The following SRP68 variants were observed in gnomAD, a reference collection of about 807,000 sequenced individuals.
SRP68 encodes the protein signal recognition particle subunit SRP68.
Under a neutral mutation model 82.2 loss-of-function variants are expected in SRP68, and 15 were observed. The observed-to-expected ratio is 0.18, with a 90% CI of 0.12 to 0.28. The LOEUF (loss-of-function observed/expected upper bound fraction) is 0.28. SRP68 is among the 10% of genes least tolerant of loss of function. The pLI is 1.00. For missense variants in SRP68, 595 were observed against 780.5 expected, an observed-to-expected ratio of 0.76 and a Z score of 2.83; for synonymous variants, 261 against 292.6, an observed-to-expected ratio of 0.89 and a Z score of 1.10.
In SRP68 at chr17:76,064,024, G is replaced by A; in HGVS notation, c.513C>T (p.Arg171=). Residue 171 remains arginine (R), a synonymous_variant, in exon 4 of 16, where the codon CGC becomes CGT. Coordinates refer to ENST00000307877, the MANE Select transcript of SRP68 (RefSeq NM_014230.4). ...KAVKHAEELE[R]LCESNRVDAK... Reference sequence around the variant, plus strand: ...CATCCACGCGATTGCTCTCACACAAGCGTTCCAATTCCTCTGCATGCTTCA... The same window carrying A: ...CATCCACGCGATTGCTCTCACACAAACGTTCCAATTCCTCTGCATGCTTCA... 1.9e-6 allele frequency: 3 copies of A among 1,614,220 alleles called. No homozygotes were observed. The highest frequency in any genetic ancestry group is 2.5e-6 in the Non-Finnish European group (3 of 1,180,038).
intron 8 of SRP68, among the ~76,000 whole-genome samples, chr17:76,054,110 A>G (rs2066695451): frequency 6.6e-6 from 1 of 152,366 alleles, no homozygotes; most frequent in African/African-American, 2.4e-5. Context: ...ATCCTAGGTC[A>G]GCTTTTACAA....
chr17:76,059,425 C>T (rs948845721), intron 7 of SRP68, among the ~76,000 whole-genome samples: 3 of 151,944 alleles, frequency 2.0e-5, no homozygotes, highest in African/African-American at 7.3e-5. Flanking sequence ...GCCTGTAATC[C>T]CAGCTACTTG....
chr17:76,051,864 T>C (rs779861070), intron 8 of SRP68, among the ~76,000 whole-genome samples: 2 of 152,210 alleles, frequency 1.3e-5, no homozygotes, highest in Non-Finnish European at 2.9e-5. Context: ...CACCGTCCAA[T>C]GAACACCTGA....
chr17:76,072,255 C>T lies in SRP68; in HGVS notation c.184+53G>A, dbSNP rs2066858800. The T allele has an allele frequency of 6.2e-7, 1 of 1,602,166 alleles. No individual in the cohort carries two copies. The highest frequency in any genetic ancestry group is 8.5e-7 in the Non-Finnish European group (1 of 1,176,474). ...ACCCGCCGCCTCTCCCGCCCCCAGC[C>T]CTCCAGTTCGACACGTAATCATTGC... On this transcript the variant is annotated intron_variant, in intron 1 of 15. Transcript: ENST00000307877. The surrounding 1 kb of genome is among the most constrained non-coding windows in gnomAD (Gnocchi z 4.5).
intron 12 of SRP68, 126 bp from the exon 13 acceptor site, chr17:76,044,084 G>C: frequency 9.6e-7 from 1 of 1,042,628 alleles, no homozygotes; most frequent in South Asian, 1.6e-5. Context: ...TCACCGCATG[G>C]GAGCCCCCTT....
intron 12 of SRP68, among the ~76,000 whole-genome samples, chr17:76,044,386 T>G (rs748336558): frequency 6.6e-6 from 1 of 152,054 alleles, no homozygotes; most frequent in Non-Finnish European, 1.5e-5. Context: ...TGAGTCAAAT[T>G]CCTCTCCTGG....
intron 7 of SRP68, 110 bp downstream of exon 7, chr17:76,060,198 T>C (rs1280080913): frequency 2.8e-6 from 1 of 359,092 alleles, no homozygotes; most frequent in Non-Finnish European, 4.9e-6. Context: ...TATTTGCTAA[T>C]ACAGATATAA....
intron 4 of SRP68, among the ~76,000 whole-genome samples, chr17:76,063,494 C>T (rs1456009601): frequency 6.6e-6 from 1 of 152,074 alleles, no homozygotes; most frequent in Non-Finnish European, 1.5e-5. Flanking sequence ...TCGGGACCAG[C>T]CTGGCCAACA....
Position 76,043,971 on chromosome 17 carries a change from GAA to G in SRP68, c.1395-15_1395-14del, listed in dbSNP as rs1441829102. The G allele has an allele frequency of 6.3e-7, 1 of 1,593,194 alleles. No individual in the cohort carries two copies. ...AATGAAAAAACACCTGATGGGGAGG[GAA>G]AAGAGCCACAATATTCTAAAGCAGC... On this transcript the variant is annotated splice_polypyrimidine_tract_variant and intron_variant, in intron 12 of 15. Transcript: ENST00000307877.
intron 13 of SRP68, 104 bp from the exon 14 acceptor site, chr17:76,041,082 T>C (rs920348867): frequency 2.5e-6 from 2 of 798,004 alleles, no homozygotes. Context: ...CACAGGACTT[T>C]AGACTTTCTA....
In SRP68 at chr17:76,042,535, TAA is replaced by T. The variant is rs59216233; in HGVS notation, c.1524+1292_1524+1293del. On this transcript the variant is annotated intron_variant, in intron 13 of 15. Transcript: ENST00000307877. ...AGCCTAGGAGACAGAGACTCCATCT[TAA>T]AAAAAAAAAAAAAAAAAAGTAAAGC... Among the ~76,000 whole-genome samples the T allele has an allele frequency of 1.9e-3, 248 of 129,804 alleles. 2 individuals are homozygous for T. Among genetic ancestry groups the T allele is most frequent in the South Asian group, 5.3e-3 (21 of 3,934 alleles). The allele number at this position is 129,804 out of a possible 152,430, so 85.2% of individuals were successfully genotyped here.
chr17:76,047,220 G>C (rs533298570), intron 10 of SRP68, among the ~76,000 whole-genome samples: 1 of 151,970 alleles, frequency 6.6e-6, no homozygotes, highest in Non-Finnish European at 1.5e-5. Flanking sequence ...TGGGCTCAGG[G>C]GATCCTCCCA....
chr17:76,047,877 A>T, intron 10 of SRP68, 29 bp downstream of exon 10: 1 of 1,285,902 alleles, frequency 7.8e-7, no homozygotes, highest in Non-Finnish European at 1.1e-6. Flanking sequence ...AATAATATTA[A>T]AAAGTAAAAA....
At chr17:76,060,165 T>G (rs2066742512) in intron 7 of SRP68, 143 bp downstream of exon 7, 2 of 411,198 alleles carry the variant, frequency 4.9e-6, no homozygotes, top group African/African-American at 2.1e-5. Flanking sequence ...AAGTTTTTTG[T>G]TCAAACTTTT....
At chr17:76,055,395 A>G (rs910684879) in intron 8 of SRP68, among the ~76,000 whole-genome samples, 4 of 152,156 alleles carry the variant, frequency 2.6e-5, no homozygotes, top group African/African-American at 7.2e-5. Context: ...CAAGCAGTGT[A>G]CACGGTACCC....
At chr17:76,060,913 A>G (rs770752764) in intron 6 of SRP68, among the ~76,000 whole-genome samples, 197 bp downstream of exon 6, 1 of 152,192 alleles carries the variant, frequency 6.6e-6, no homozygotes, top group Non-Finnish European at 1.5e-5. Flanking sequence ...CAGACACAGA[A>G]GCAGAACCGT....
intron 2 of SRP68, among the ~76,000 whole-genome samples, chr17:76,069,233 C>T (rs1207165924): frequency 4.1e-5 from 6 of 147,452 alleles, no homozygotes; most frequent in Non-Finnish European, 7.5e-5. Context: ...ACTAAAAATA[C>T]AAAAATTAGC....
At chr17:76,067,591 G>A (rs972894486) in intron 2 of SRP68, among the ~76,000 whole-genome samples, 1 of 152,072 alleles carries the variant, frequency 6.6e-6, no homozygotes, top group Non-Finnish European at 1.5e-5. Flanking sequence ...AGCCTCCTGG[G>A]TAGATGTGAC....
chr17:76,040,597 G>T, intron 14 of SRP68, 123 bp from the exon 15 acceptor site: 2 of 934,758 alleles, frequency 2.1e-6, no homozygotes, highest in Non-Finnish European at 3.4e-6. Context: ...ATGTGGGGAA[G>T]CCAGGCCTGT....
Sources: gnomAD v4.1 joint callset for allele counts (sites outside exome capture counted in the v4.1 genomes callset) on GRCh38, gnomAD v4.1.1 for gene constraint, Gnocchi (gnomAD v3.1) non-coding constraint, MANE v1.5 for transcripts, NCBI Gene and HGNC (gene_info 2026-07-23, HGNC 2026-07-21) for gene names.